Variants in TUB observed in about 807,000 individuals in gnomAD.
TUB encodes tubby protein homolog.
Under a neutral mutation model 59.7 loss-of-function variants are expected in TUB, and 33 were observed. That is an observed-to-expected ratio of 0.55 (90% CI 0.42 to 0.74). The LOEUF (loss-of-function observed/expected upper bound fraction) is 0.74. Among genes scored for constraint, TUB ranks in the 30% least tolerant of loss-of-function variants. The pLI is 0.00. For synonymous variants in TUB, 293 were observed against 256.4 expected, an observed-to-expected ratio of 1.14 and a Z score of -1.36; for missense variants, 659 against 672.0, an observed-to-expected ratio of 0.98 and a Z score of 0.21.
At chr11:8,040,321 G>T (rs1201332111) in intron 2 of TUB, among the ~76,000 whole-genome samples, 1 of 152,210 alleles carries the variant, frequency 6.6e-6, no homozygotes, top group East Asian at 1.9e-4. Flanking sequence ...GTGCTGTCTT[G>T]TGTACAGATG....
intron 1 of TUB, among the ~76,000 whole-genome samples, chr11:8,087,614 A>G (rs976480217): frequency 3.3e-5 from 5 of 152,134 alleles, no homozygotes; most frequent in African/African-American, 9.7e-5. Context: ...CTTAGACTGC[A>G]TTTTTCACGT....
chr11:8,038,789 T>C, exon 1 of TUB: 9 of 1,547,736 alleles, frequency 5.8e-6, no homozygotes, highest in Non-Finnish European at 7.8e-6. Context: ...CTGAGGCGAA[T>C]ACAGGGAATT....
chr11:8,101,746 C>A lies in TUB; in HGVS notation c.*127C>A. ...AGATGAAGCTTTGGCCCTCAGTGGG[C>A]TCCCTGGCCCAGCCAGCCAGGAACT... On this transcript the variant is annotated 3_prime_UTR_variant, in exon 12 of 12. Transcript: ENST00000299506. 6.9e-7 allele frequency: 1 copy of A among 1,441,304 alleles called. No homozygotes were observed. The highest frequency in any genetic ancestry group is 9.1e-7 in the Non-Finnish European group (1 of 1,095,330). The allele number at this position is 1,441,304 out of a possible 1,614,324, so 89.3% of individuals were successfully genotyped here.
chr11:8,095,796 C>A, intron 5 of TUB, 131 bp downstream of exon 5: 1 of 1,013,934 alleles, frequency 9.9e-7, no homozygotes, highest in Non-Finnish European at 1.4e-6. Context: ...GTGGGGCACA[C>A]TTCGGAGACA....
chr11:8,036,977 T>A (rs1942655291), upstream of TUB, among the ~76,000 whole-genome samples: 3 of 152,134 alleles, frequency 2.0e-5, no homozygotes, highest in Non-Finnish European at 4.4e-5. Flanking sequence ...CCAGGGAGGA[T>A]GTTGTGCTTG....
At chr11:8,055,952 G>A (rs1943013210) in intron 2 of TUB, among the ~76,000 whole-genome samples, 1 of 152,194 alleles carries the variant, frequency 6.6e-6, no homozygotes, top group African/African-American at 2.4e-5. Context: ...CCTGGGCAAG[G>A]CCCTTAAGCC....
upstream of TUB, chr11:8,077,541 T>A (rs1356997843): frequency 6.6e-6 from 1 of 152,232 alleles, no homozygotes; most frequent in East Asian, 1.9e-4. Context: ...GCCCGGTCAA[T>A]TGTAGAATCT....
At chr11:8,043,011 G>A (rs564420912) in intron 2 of TUB, among the ~76,000 whole-genome samples, 9 of 152,018 alleles carry the variant, frequency 5.9e-5, no homozygotes, top group African/African-American at 1.2e-4. Context: ...GAAACTGTAG[G>A]ATTTTTTACA....
chr11:8,066,661 C>A (rs1045305783), intron 2 of TUB, among the ~76,000 whole-genome samples: 1 of 152,184 alleles, frequency 6.6e-6, no homozygotes, highest in Non-Finnish European at 1.5e-5. Flanking sequence ...CTGTCGCCTG[C>A]GAGCTGGAGA....
At chr11:8,040,149 G>GC (rs1298145623) in intron 2 of TUB, among the ~76,000 whole-genome samples, 2 of 152,186 alleles carry the variant, frequency 1.3e-5, no homozygotes, top group Non-Finnish European at 2.9e-5. Flanking sequence ...GAGATGCCCT[G>GC]CCCCGGGGTG....
chr11:8,065,207 G>A (rs118063081), intron 2 of TUB, among the ~76,000 whole-genome samples: 2 of 152,290 alleles, frequency 1.3e-5, no homozygotes, highest in East Asian at 3.9e-4. Context: ...GCATGTTGCT[G>A]GGGTAGCAGG....
Position 8,095,672 on chromosome 11 carries a change from C to T in TUB, c.565+7C>T, listed in dbSNP as rs1236495013. 2.5e-6 allele frequency: 4 copies of T among 1,583,936 alleles called. No homozygotes were observed. In the East Asian group the frequency reaches 6.9e-5, roughly 27 times the overall value. ...GCCACGATGCAGAGGAAGGGTGAGC[C>T]CCATGGGGACCCAGTGATACCCCCA... On this transcript the variant is annotated splice_region_variant and intron_variant, in intron 5 of 11. Coordinates refer to ENST00000299506, the MANE Select transcript of TUB (RefSeq NM_177972.3).
At chr11:8,081,128 T>C (rs1270094234), upstream of TUB, among the ~76,000 whole-genome samples, 2 of 70,440 alleles carry the variant, frequency 2.8e-5, no homozygotes, top group Non-Finnish European at 5.3e-5. Context: ...CCGCAGGCCC[T>C]GAGCCGGCCG....
chr11:8,098,234 G>A (rs952758116), intron 8 of TUB, among the ~76,000 whole-genome samples: 2 of 152,128 alleles, frequency 1.3e-5, no homozygotes, highest in East Asian at 3.9e-4. Flanking sequence ...GGGGCAGGAA[G>A]GCTCTGAGCC....
At chr11:8,045,353 CT>C (rs1319684338) in intron 2 of TUB, among the ~76,000 whole-genome samples, 2 of 152,188 alleles carry the variant, frequency 1.3e-5, no homozygotes, top group African/African-American at 4.8e-5. Context: ...CTTGTGTGCA[CT>C]GGTGATTGAT....
intron 2 of TUB, among the ~76,000 whole-genome samples, chr11:8,061,365 G>GC (rs1943122388): frequency 6.6e-6 from 1 of 152,180 alleles, no homozygotes; most frequent in African/African-American, 2.4e-5. Context: ...GGGGGCGTGT[G>GC]CTGTGGGCAG....
intron 7 of TUB, 29 bp from the exon 8 acceptor site, chr11:8,097,685 T>C: frequency 6.3e-7 from 1 of 1,588,438 alleles, no homozygotes; most frequent in Non-Finnish European, 8.6e-7. Flanking sequence ...AGGCTGAGTC[T>C]GGAATATGAC....
chr11:8,029,769 A>T lies in TUB; in HGVS notation c.56+10411A>T, dbSNP rs568944847. Among the ~76,000 whole-genome samples the T allele has an allele frequency of 4.6e-5, 7 of 152,244 alleles. No individual in the cohort carries two copies. In the South Asian group the frequency reaches 1.2e-3, roughly 27 times the overall value. On this transcript the variant is annotated intron_variant, in intron 1 of 11. Coordinates refer to the TUB transcript ENST00000534099. ...TGTGTGTTCTGTGATAGGAAAGGCC[A>T]GGGTGGAGGGATGAGAACAGGACAG...
intron 2 of TUB, chr11:8,068,284 C>T (rs1439569744): frequency 6.6e-6 from 1 of 152,388 alleles, no homozygotes; most frequent in East Asian, 1.9e-4. Context: ...CAGGCCCCTC[C>T]TGGGCCGCAT....
Sources: gnomAD v4.1 joint callset for allele counts (sites outside exome capture counted in the v4.1 genomes callset) on GRCh38, gnomAD v4.1.1 for gene constraint, MANE v1.5 for transcripts, NCBI Gene and HGNC (gene_info 2026-07-23, HGNC 2026-07-21) for gene names.